Variants in PLXNA4 observed in about 807,000 individuals in gnomAD.
PLXNA4 encodes the protein plexin A4.
Under a neutral mutation model 191.8 loss-of-function variants are expected in PLXNA4, and 44 were observed. The ratio of observed to expected loss-of-function variants is 0.23; its 90% CI spans 0.18 to 0.29. PLXNA4 has a LOEUF of 0.29. Among genes scored for constraint, PLXNA4 ranks in the 10% least tolerant of loss-of-function variants. PLXNA4 has a pLI of 1.00. For missense variants in PLXNA4, 1,800 were observed against 2,488.8 expected (o/e 0.72, Z 5.89); for synonymous variants, 1,082 against 1,009.5 (o/e 1.07, Z -1.36).
chr7:132,186,368 C>T (rs1029662515), intron 15 of PLXNA4, among the ~76,000 whole-genome samples: 1 of 152,276 alleles, frequency 6.6e-6, no homozygotes, highest in African/African-American at 2.4e-5. Context: ...GTGGATCTGA[C>T]CCTCGTGAAT....
At position 132,165,193 on chromosome 7, in the gene PLXNA4, A is replaced by C. The variant is rs747044208; in HGVS notation, c.4294T>G (p.Ser1432Ala). The change falls in exon 23 of 32, where the codon TCA becomes GCA. Residue 1432 changes from serine to alanine, a missense_variant. Transcript: ENST00000321063. ...HPKLLLRRTESVAEKMLTNWF... is the reference protein window; with the variant it reads ...HPKLLLRRTEAVAEKMLTNWF... ...TTGGTCAGCATCTTCTCAGCCACTG[A>C]CTCAGTCCTGTCAGCAGTCACCGAG... 6.2e-7 allele frequency: 1 copy of C among 1,613,184 alleles called. No individual in the cohort carries two copies. Among genetic ancestry groups the C allele is most frequent in the Non-Finnish European group, 8.5e-7 (1 of 1,179,398 alleles).
chr7:132,622,207 GAGCGTAGAAGCC>G (rs1203636367), intron 2 of PLXNA4, among the ~76,000 whole-genome samples: 39 of 152,182 alleles, frequency 2.6e-4, no homozygotes, highest in African/African-American at 8.7e-4. Flanking sequence ...CAAGCATGAT[GAGCGTAGAAGCC>G]ACATGTTGAG....
At chr7:132,427,032 G>C (rs1795071923) in intron 3 of PLXNA4, among the ~76,000 whole-genome samples, 1 of 152,140 alleles carries the variant, frequency 6.6e-6, no homozygotes, top group African/African-American at 2.4e-5. Flanking sequence ...CCCAGGAGGG[G>C]ATTCTTCCCC....
intron 3 of PLXNA4, among the ~76,000 whole-genome samples, chr7:132,365,099 T>C (rs141040026): frequency 1.3e-5 from 2 of 152,248 alleles, no homozygotes; most frequent in East Asian, 3.9e-4. Flanking sequence ...TGGGCATTTC[T>C]GGGATAGCAA....
At position 132,396,782 on chromosome 7, in the gene PLXNA4, G is replaced by A. The variant is rs180755693; in HGVS notation, c.1371+92510C>T. On this transcript the variant is annotated intron_variant, in intron 3 of 31. Transcript: ENST00000321063. Reference sequence around the variant, plus strand: ...GCTGGGATTACAGGTGTGAGCCACCGCGCCTGGCCAGCAGGGCCAGACTTT... The same window carrying A: ...GCTGGGATTACAGGTGTGAGCCACCACGCCTGGCCAGCAGGGCCAGACTTT... Among the ~76,000 whole-genome samples, 338 of 152,368 alleles carry A rather than the reference G, an allele frequency of 2.2e-3. 2 individuals carry two copies. The highest frequency in any genetic ancestry group is 7.7e-3 in the African/African-American group (321 of 41,600).
intron 2 of PLXNA4, among the ~76,000 whole-genome samples, chr7:132,606,577 G>C (rs1802927258): frequency 6.6e-6 from 1 of 152,188 alleles, no homozygotes; most frequent in Admixed American, 6.5e-5. Flanking sequence ...TGTGAAATCT[G>C]TGTTATGCTC....
chr7:132,317,136 T>C (rs953471934), intron 3 of PLXNA4, among the ~76,000 whole-genome samples: 1 of 152,054 alleles, frequency 6.6e-6, no homozygotes, highest in Non-Finnish European at 1.5e-5. Flanking sequence ...GATTGAGTTG[T>C]GTTGTGTTGA....
At chr7:132,295,827 C>T (rs1584956355) in intron 4 of PLXNA4, among the ~76,000 whole-genome samples, 1 of 152,196 alleles carries the variant, frequency 6.6e-6, no homozygotes, top group Non-Finnish European at 1.5e-5. Context: ...ATTTAACAAG[C>T]ACTTACTCTG....
At chr7:132,406,199 C>T (rs965438951) in intron 3 of PLXNA4, among the ~76,000 whole-genome samples, 1 of 152,212 alleles carries the variant, frequency 6.6e-6, no homozygotes, top group Non-Finnish European at 1.5e-5. Flanking sequence ...CTTCCAATGA[C>T]TAATTCTCAG....
intron 3 of PLXNA4, among the ~76,000 whole-genome samples, chr7:132,365,682 G>A (rs1445803511): frequency 6.6e-6 from 1 of 152,204 alleles, no homozygotes; most frequent in Non-Finnish European, 1.5e-5. Context: ...AGGAGATTCA[G>A]AGAGAGAAGA....
chr7:132,294,248 A>T (rs901239501), intron 4 of PLXNA4, among the ~76,000 whole-genome samples: 1 of 152,234 alleles, frequency 6.6e-6, no homozygotes, highest in African/African-American at 2.4e-5. Context: ...AAAGGGGAAC[A>T]ACCAGGACAA....
chr7:132,584,967 G>C (rs1802480331), intron 2 of PLXNA4, among the ~76,000 whole-genome samples: 1 of 152,026 alleles, frequency 6.6e-6, no homozygotes, highest in African/African-American at 2.4e-5. Context: ...CTTTGTTCTA[G>C]TTTCCTACTA....
chr7:132,261,406 G>A (rs1799639615), intron 4 of PLXNA4, among the ~76,000 whole-genome samples: 1 of 152,246 alleles, frequency 6.6e-6, no homozygotes, highest in Non-Finnish European at 1.5e-5. Context: ...GTGTGCACAT[G>A]TGGGAGTGCC....
chr7:132,209,685 CT>C (rs946927846), intron 10 of PLXNA4, among the ~76,000 whole-genome samples: 1 of 152,166 alleles, frequency 6.6e-6, no homozygotes, highest in Non-Finnish European at 1.5e-5. Context: ...CCATTTCCCC[CT>C]GGACTACTTC....
chr7:132,180,540 A>G (rs535563227), intron 19 of PLXNA4, 46 bp downstream of exon 19: 1 of 1,609,448 alleles, frequency 6.2e-7, no homozygotes, highest in South Asian at 1.1e-5. Flanking sequence ...TCACATCTGC[A>G]TCCCTACTGC....
chr7:132,348,781 C>A (rs1201791597), intron 3 of PLXNA4, among the ~76,000 whole-genome samples: 2 of 152,214 alleles, frequency 1.3e-5, no homozygotes, highest in Admixed American at 6.5e-5. Flanking sequence ...CCCTGGAGTG[C>A]AGAGAATCAC....
chr7:132,162,251 T>C (rs1425731920), intron 24 of PLXNA4, among the ~76,000 whole-genome samples: 3 of 152,234 alleles, frequency 2.0e-5, no homozygotes, highest in Non-Finnish European at 2.9e-5. Flanking sequence ...TCCCCAGGCC[T>C]GAAGGTGGCT....
intron 10 of PLXNA4, 121 bp downstream of exon 10, chr7:132,210,822 G>T: frequency 9.2e-7 from 1 of 1,089,262 alleles, no homozygotes; most frequent in South Asian, 1.5e-5. Context: ...AAGCAGGTAG[G>T]CAGTTTTGTG....
At chr7:132,563,006 C>CCTCCTCCTT in intron 1 of PLXNA4, among the ~76,000 whole-genome samples, 1 of 117,756 alleles carries the variant, frequency 8.5e-6, no homozygotes, top group Non-Finnish European at 1.8e-5. Context: ...TCCTCCTTCT[C>CCTCCTCCTT]CTCCTCTTTC....
Sources: gnomAD v4.1 joint callset for allele counts (sites outside exome capture counted in the v4.1 genomes callset) on GRCh38, gnomAD v4.1.1 for gene constraint, MANE v1.5 for transcripts, NCBI Gene and HGNC (gene_info 2026-07-23, HGNC 2026-07-21) for gene names.